Variants in INHBC observed in about 807,000 individuals in gnomAD.
INHBC encodes the protein inhibin subunit beta C, also known as inhibin beta C chain.
INHBC carries 10 observed loss-of-function variants against 12.4 expected under a neutral mutation model. The ratio of observed to expected loss-of-function variants is 0.81; its 90% confidence interval spans 0.50 to 1.37. The LOEUF (loss-of-function observed/expected upper bound fraction) is 1.37. Among genes scored for constraint, INHBC ranks in the 40% most tolerant of loss-of-function variants. INHBC has a pLI of 0.00. For missense variants in INHBC, 382 were observed against 439.4 expected, an observed-to-expected ratio of 0.87 and a Z score of 1.17; for synonymous variants, 147 against 171.6, an observed-to-expected ratio of 0.86 and a Z score of 1.12.
intron 1 of INHBC, among the ~76,000 whole-genome samples, chr12:57,442,647 T>TAG (rs1291349918): frequency 6.6e-6 from 1 of 151,968 alleles, no homozygotes; most frequent in African/African-American, 2.4e-5. Flanking sequence ...CTGACTTATC[T>TAG]AGAGAGAGAG....
At chr12:57,448,400 C>T (rs1429148606) in intron 1 of INHBC, among the ~76,000 whole-genome samples, 2 of 151,864 alleles carry the variant, frequency 1.3e-5, no homozygotes, top group Non-Finnish European at 2.9e-5. Flanking sequence ...GAAACCCCAT[C>T]TCTACTAAAA....
chr12:57,445,161 A>G (rs115824343), intron 1 of INHBC, among the ~76,000 whole-genome samples: 272 of 152,366 alleles, frequency 1.8e-3, no homozygotes, highest in African/African-American at 5.8e-3. Flanking sequence ...TGAGGAACAG[A>G]AAAAGGCCAG....
At chr12:57,446,242 T>A (rs60651196) in intron 1 of INHBC, among the ~76,000 whole-genome samples, 9,968 of 151,346 alleles carry the variant, frequency 0.066, 471 homozygotes, top group East Asian at 0.22. Flanking sequence ...GGCCTAAAAA[T>A]TTTTTTTTAA....
chr12:57,447,892 A>AATATATATAT (rs1241342566), intron 1 of INHBC, among the ~76,000 whole-genome samples: 310 of 19,828 alleles, frequency 0.016, 6 homozygotes, highest in South Asian at 0.03. Flanking sequence ...AAAAAAAAAA[A>AATATATATAT]ATATATATAT....
rs368802533 is a variant in INHBC, at chr12:57,435,059, C to G, written c.173C>G (p.Thr58Ser). ...KRSILDKLHL[T>S]QRPTLNRPVS... ...AGCATCTTGGACAAGCTGCACCTCA[C>G]CCAGCGCCCAACACTGAACCGCCCT... The change falls in exon 1 of 2, where the codon ACC becomes AGC. Residue 58 changes from threonine (T) to serine (S), a missense_variant. Coordinates refer to ENST00000309668, the MANE Select transcript of INHBC (RefSeq NM_005538.4). 1 of 1,614,050 alleles carries G rather than the reference C, an allele frequency of 6.2e-7. No individual in the cohort carries two copies. The highest frequency in any genetic ancestry group is 1.7e-5 in the Admixed American group (1 of 60,002).
intron 1 of INHBC, among the ~76,000 whole-genome samples, chr12:57,448,567 TAAAAAAAAA>T (rs10577805): frequency 8.2e-6 from 1 of 121,614 alleles, no homozygotes; most frequent in Non-Finnish European, 1.7e-5. Context: ...AGACTCCGTC[TAAAAAAAAA>T]AAAAAAAAAA....
At chr12:57,447,892 A>AAT (rs1241342566) in intron 1 of INHBC, among the ~76,000 whole-genome samples, 1,214 of 19,772 alleles carry the variant, frequency 0.061, 52 homozygotes, top group Non-Finnish European at 0.074. Flanking sequence ...AAAAAAAAAA[A>AAT]ATATATATAT....
chr12:57,435,045 C>G lies in INHBC; in HGVS notation c.159C>G (p.Asp53Glu). The change falls in exon 1 of 2, where the codon GAC becomes GAG. Residue 53 changes from aspartate to glutamate, a missense_variant. By Grantham distance (45) the Asp-to-Glu change is conservative (BLOSUM62 2). Coordinates refer to ENST00000309668, the MANE Select transcript of INHBC (RefSeq NM_005538.4). ...ATCTGGCCAAGAGAAGCATCTTGGA[C>G]AAGCTGCACCTCACCCAGCGCCCAA... ...LLDLAKRSILDKLHLTQRPTL... is the reference protein window; with the variant it reads ...LLDLAKRSILEKLHLTQRPTL... 1 of 1,614,084 alleles carries G rather than the reference C, an allele frequency of 6.2e-7. No homozygotes were observed. Among genetic ancestry groups the G allele is most frequent in the African/African-American group, 1.3e-5 (1 of 74,936 alleles).
chr12:57,440,372 C>T (rs558105365), intron 1 of INHBC, among the ~76,000 whole-genome samples: 6 of 120,888 alleles, frequency 5.0e-5, no homozygotes, highest in African/African-American at 9.2e-5. Context: ...CTTGCTATGT[C>T]GCCAGGCTGG....
At chr12:57,437,867 C>T (rs973360525) in intron 1 of INHBC, among the ~76,000 whole-genome samples, 1 of 151,744 alleles carries the variant, frequency 6.6e-6, no homozygotes, top group Non-Finnish European at 1.5e-5. Flanking sequence ...CTCACTGCAA[C>T]CCCCGCCTCC....
At chr12:57,448,258 G>A (rs901685898) in intron 1 of INHBC, among the ~76,000 whole-genome samples, 1 of 151,952 alleles carries the variant, frequency 6.6e-6, no homozygotes, top group Non-Finnish European at 1.5e-5. Context: ...ATACAGATTT[G>A]GGAATCACCA....
At position 57,449,665 on chromosome 12, in the gene INHBC, C is replaced by T; in HGVS notation, c.702C>T (p.His234=). 6.2e-7 allele frequency: 1 copy of T among 1,614,236 alleles called. No homozygotes were observed. Among genetic ancestry groups the T allele is most frequent in the Admixed American group, 1.7e-5 (1 of 60,030 alleles). The change falls in exon 2 of 2, where the codon CAC becomes CAT. Residue 234 remains histidine (H), a synonymous_variant. Transcript: ENST00000309668. Reference sequence around the variant, plus strand: ...GAGTTGGGGGCAAACACCAGATTCACCGACGAGGCATCGACTGCCAAGGAG... The same window carrying T: ...GAGTTGGGGGCAAACACCAGATTCATCGACGAGGCATCGACTGCCAAGGAG... ...RVRVGGKHQI[H]RRGIDCQGGS... is the part of the protein sequence containing the mutation.
intron 1 of INHBC, among the ~76,000 whole-genome samples, chr12:57,439,595 A>G (rs1422510381): frequency 6.6e-6 from 1 of 152,192 alleles, no homozygotes; most frequent in Non-Finnish European, 1.5e-5. Flanking sequence ...TGCTGCTTTC[A>G]GTATTAAACT....
rs1566551845 is a variant in INHBC, at chr12:57,449,558, CT to C, written c.596del (p.Leu199ArgfsTer7). 5 of 1,614,234 alleles carry C rather than the reference CT, an allele frequency of 3.1e-6. No individual in the cohort carries two copies. The highest frequency in any genetic ancestry group is 4.2e-6 in the Non-Finnish European group (5 of 1,180,042). ...ACSQGHLTLELVLEGQVAQSS... is the reference protein window; with the variant it reads ...ACSQGHLTLEXVLEGQVAQSS... ...CAGCCAGGGGCACCTGACCCTGGAGCTGGTACTTGAAGGCCAGGTAGCCCAG... is the reference window on the plus strand; with the variant it reads ...CAGCCAGGGGCACCTGACCCTGGAGCGGTACTTGAAGGCCAGGTAGCCCAG... On this transcript the variant is annotated frameshift_variant, in exon 2 of 2. Transcript: ENST00000309668. LOFTEE classifies it high-confidence loss of function.
intron 1 of INHBC, among the ~76,000 whole-genome samples, chr12:57,440,578 G>A (rs529944869): frequency 2.6e-5 from 4 of 152,034 alleles, no homozygotes; most frequent in South Asian, 2.1e-4. Context: ...TGATCTGCCC[G>A]CCTCAGCCTC....
chr12:57,435,275 C>G, intron 1 of INHBC, 76 bp downstream of exon 1: 2 of 1,358,440 alleles, frequency 1.5e-6, no homozygotes, highest in Non-Finnish European at 2.0e-6. Flanking sequence ...CCAGACTTAC[C>G]TCTGACTCCT....
In INHBC at chr12:57,449,936, CT is replaced by C. The variant is rs748437014; in HGVS notation, c.974del (p.Leu325ArgfsTer21). On this transcript the variant is annotated frameshift_variant, in exon 2 of 2. Coordinates refer to ENST00000309668, the MANE Select transcript of INHBC (RefSeq NM_005538.4). LOFTEE classifies it high-confidence loss of function. ...SCCVPTARRP[L>X]SLLYYDRDSN... is the part of the protein sequence containing the mutation. ...CTGTGTACCCACGGCCCGGCGCCCC[CT>C]GTCTCTGCTCTATTATGACAGGGAC... 6 of 1,583,728 alleles carry C rather than the reference CT, an allele frequency of 3.8e-6. No homozygotes were observed. Among genetic ancestry groups the C allele is most frequent in the East Asian group, 2.2e-5 (1 of 44,610 alleles).
At position 57,449,696 on chromosome 12, in the gene INHBC, A is replaced by G. The variant is rs1870666818; in HGVS notation, c.733A>G (p.Arg245Gly). The change falls in exon 2 of 2, where the codon AGG becomes GGG. Residue 245 changes from arginine (R) to glycine (G), a missense_variant. Coordinates refer to ENST00000309668, the MANE Select transcript of INHBC (RefSeq NM_005538.4). ...AGGCATCGACTGCCAAGGAGGGTCCAGGATGTGCTGTCGACAAGAGTTTTT... is the reference window on the plus strand; with the variant it reads ...AGGCATCGACTGCCAAGGAGGGTCCGGGATGTGCTGTCGACAAGAGTTTTT... Reference protein sequence around the residue: ...RRGIDCQGGSRMCCRQEFFVD... With the variant: ...RRGIDCQGGSGMCCRQEFFVD... 2 of 1,614,278 alleles carry G rather than the reference A, an allele frequency of 1.2e-6. No individual in the cohort carries two copies. Among genetic ancestry groups the G allele is most frequent in the East Asian group, 4.5e-5 (2 of 44,890 alleles).
chr12:57,447,240 A>C (rs1292967111), intron 1 of INHBC, among the ~76,000 whole-genome samples: 2 of 151,932 alleles, frequency 1.3e-5, no homozygotes, highest in Middle Eastern at 3.2e-3. Context: ...GATGGAGTGC[A>C]ATGGTGTGGT....
Sources: allele counts gnomAD v4.1 joint callset (sites outside exome capture counted in the v4.1 genomes callset), GRCh38; gene constraint gnomAD v4.1.1; transcripts MANE v1.5; gene names NCBI Gene and HGNC (gene_info 2026-07-23, HGNC 2026-07-21).